The following NRXN3 variants were observed in gnomAD, a reference collection of about 807,000 sequenced individuals.
The protein encoded by NRXN3 is neurexin 3, also known as neurexin III.
NRXN3 carries 32 observed loss-of-function variants against 137.6 expected under a neutral mutation model. The observed-to-expected ratio is 0.23, with a 90% CI of 0.18 to 0.31. The LOEUF (loss-of-function observed/expected upper bound fraction) is 0.31, where lower values mean the gene tolerates loss of function less well. Ranked by LOEUF, NRXN3 falls within the 10% of genes least tolerant of loss-of-function variation. NRXN3 has a pLI of 1.00. For synonymous variants in NRXN3, 798 were observed against 784.5 expected, an observed-to-expected ratio of 1.02 and a Z score of -0.29; for missense variants, 1,574 against 2,062.5, an observed-to-expected ratio of 0.76 and a Z score of 4.59.
chr14:78,380,515 G>A (rs529913227), intron 4 of NRXN3, among the ~76,000 whole-genome samples: 14 of 152,224 alleles, frequency 9.2e-5, no homozygotes, highest in African/African-American at 3.4e-4. Flanking sequence ...AGACACAAAG[G>A]AGAAGGCAAT....
At chr14:79,054,648 G>A (rs1595436743) in intron 15 of NRXN3, among the ~76,000 whole-genome samples, 1 of 152,238 alleles carries the variant, frequency 6.6e-6, no homozygotes, top group Middle Eastern at 3.4e-3. Context: ...AGACAGACTG[G>A]GGATTCTATC....
At chr14:79,349,595 A>G (rs879359741) in intron 15 of NRXN3, among the ~76,000 whole-genome samples, 1 of 149,532 alleles carries the variant, frequency 6.7e-6, no homozygotes, top group Admixed American at 6.7e-5. Context: ...CACAGACAAT[A>G]TTATACATAA....
At chr14:79,052,021 G>A (rs950598366) in intron 15 of NRXN3, among the ~76,000 whole-genome samples, 2 of 152,114 alleles carry the variant, frequency 1.3e-5, no homozygotes, top group Non-Finnish European at 2.9e-5. Flanking sequence ...TTTGATTTGC[G>A]TTTAGTCATA....
chr14:78,363,697 T>G (rs2085477775), intron 4 of NRXN3, among the ~76,000 whole-genome samples: 1 of 152,192 alleles, frequency 6.6e-6, no homozygotes, highest in African/African-American at 2.4e-5. Context: ...GTCCTCTGAG[T>G]GCCTAGGGAG....
intron 10 of NRXN3, among the ~76,000 whole-genome samples, chr14:78,901,740 A>T (rs1222516677): frequency 1.3e-5 from 2 of 152,052 alleles, no homozygotes; most frequent in Non-Finnish European, 2.9e-5. Flanking sequence ...GATGGGGCAC[A>T]GGCTGCCTCC....
At chr14:78,485,394 G>T (rs2095545505) in intron 4 of NRXN3, among the ~76,000 whole-genome samples, 1 of 152,064 alleles carries the variant, frequency 6.6e-6, no homozygotes, top group Admixed American at 6.6e-5. Context: ...TTCTGTAAGG[G>T]CCCCAGGCTG....
In NRXN3 at chr14:78,855,112, C is replaced by T. The variant is rs142296780; in HGVS notation, c.2275+44768C>T. 2.2e-3 allele frequency among the ~76,000 whole-genome samples: 337 copies of T among 150,852 alleles called. 2 individuals are homozygous for T. Among genetic ancestry groups the T allele is most frequent in the African/African-American group, 8.0e-3 (328 of 40,966 alleles). ...CTGGGAGGCCGAGGTTGCAGTGATC[C>T]GAGATCACGCTGCTGCACTCCAGCT... is the stretch of plus-strand genomic sequence containing the variant. On this transcript the variant is annotated intron_variant, in intron 10 of 20. Coordinates refer to ENST00000335750, the MANE Select transcript of NRXN3 (RefSeq NM_001330195.2).
In NRXN3 at chr14:78,897,020, A is replaced by G. The variant is rs533115055; in HGVS notation, c.2276-60222A>G. 2.6e-5 allele frequency among the ~76,000 whole-genome samples: 4 copies of G among 152,036 alleles called. 1 individual carries two copies. The South Asian group carries it at 8.3e-4, about 32-fold the overall frequency. On this transcript the variant is annotated intron_variant, in intron 10 of 20. Coordinates refer to ENST00000335750, the MANE Select transcript of NRXN3 (RefSeq NM_001330195.2). ...ATCTTGTAAAGAAAGTTTTATTTAA[A>G]TACAGTCATACTCATTCACTTATGT...
At chr14:78,970,046 T>C (rs1417230652) in intron 14 of NRXN3, among the ~76,000 whole-genome samples, 1 of 152,176 alleles carries the variant, frequency 6.6e-6, no homozygotes, top group Non-Finnish European at 1.5e-5. Flanking sequence ...TAGAAGATTG[T>C]AGAATGGCAG....
At chr14:78,284,935 AT>A (rs1256568758) in intron 3 of NRXN3, among the ~76,000 whole-genome samples, 1 of 152,216 alleles carries the variant, frequency 6.6e-6, no homozygotes, top group Non-Finnish European at 1.5e-5. Flanking sequence ...GCTCCAAGAC[AT>A]TGCATCCTTT....
chr14:78,616,745 T>C (rs575996768), intron 4 of NRXN3, among the ~76,000 whole-genome samples: 16 of 152,266 alleles, frequency 1.1e-4, no homozygotes, highest in Non-Finnish European at 2.2e-4. Context: ...TAATGCACTC[T>C]GCTTCTGAAA....
At chr14:79,721,224 A>G (rs2098843385) in intron 19 of NRXN3, among the ~76,000 whole-genome samples, 1 of 152,162 alleles carries the variant, frequency 6.6e-6, no homozygotes, top group African/African-American at 2.4e-5. Flanking sequence ...ATAAATTCTT[A>G]CTACCTAATT....
chr14:79,207,264 G>A lies in NRXN3; in HGVS notation c.3262+219123G>A, dbSNP rs77266900. On this transcript the variant is annotated intron_variant, in intron 15 of 20. Transcript: ENST00000335750. ...ACGCAAATTCCTGAATACTAAATTC[G>A]GATTCAGTAGGTCTGCAATGGATCT... Among the ~76,000 whole-genome samples the A allele has an allele frequency of 0.013, 1,924 of 152,134 alleles. 126 individuals are homozygous for A. The East Asian group carries it at 0.17, about 14-fold the overall frequency.
chr14:79,244,637 C>G (rs2153355952), intron 15 of NRXN3, among the ~76,000 whole-genome samples: 1 of 152,256 alleles, frequency 6.6e-6, no homozygotes, highest in South Asian at 2.1e-4. Context: ...TGTACTGGCT[C>G]TGTTCACACC....
At chr14:78,550,550 A>G (rs1248549763) in intron 4 of NRXN3, among the ~76,000 whole-genome samples, 1 of 151,868 alleles carries the variant, frequency 6.6e-6, no homozygotes, top group Non-Finnish European at 1.5e-5. Context: ...ACAAAAAAAA[A>G]ATTCATGCCA....
In NRXN3 at chr14:79,385,430, G is replaced by A. The variant is rs187939595; in HGVS notation, c.3263-81791G>A. ...CTGCATAGTATTCCATGGTGTATAT[G>A]TGCCACATTTTCTTAATCCAGTCTA... is the stretch of plus-strand genomic sequence containing the variant. On this transcript the variant is annotated intron_variant, in intron 15 of 20. Transcript: ENST00000335750. 4.3e-4 allele frequency among the ~76,000 whole-genome samples: 66 copies of A among 151,994 alleles called. 1 individual carries two copies.
chr14:79,077,360 C>T (rs1406012181), intron 15 of NRXN3, among the ~76,000 whole-genome samples: 7 of 152,122 alleles, frequency 4.6e-5, no homozygotes, highest in East Asian at 3.9e-4. Flanking sequence ...AGTGTCCACA[C>T]GATGTTTGCC....
chr14:78,342,076 G>T (rs1215087684), intron 4 of NRXN3, among the ~76,000 whole-genome samples: 1 of 152,320 alleles, frequency 6.6e-6, no homozygotes, highest in African/African-American at 2.4e-5. Flanking sequence ...GTCCAGGTTT[G>T]CCTGGGCCTG....
At chr14:78,463,770 G>T (rs1410876084) in intron 4 of NRXN3, among the ~76,000 whole-genome samples, 2 of 118,046 alleles carry the variant, frequency 1.7e-5, no homozygotes, top group Non-Finnish European at 1.9e-5. Flanking sequence ...TCCTGTGGTT[G>T]TTGTTGGGAT....
Sources: allele counts gnomAD v4.1 joint callset (sites outside exome capture counted in the v4.1 genomes callset), GRCh38; gene constraint gnomAD v4.1.1; transcripts MANE v1.5; gene names NCBI Gene and HGNC (gene_info 2026-07-23, HGNC 2026-07-21).